FSTL4: variants seen among roughly 807,000 people sequenced by gnomAD.
The protein encoded by FSTL4 is follistatin-related protein 4.
FSTL4 carries 28 observed loss-of-function variants against 78.2 expected under a neutral mutation model. The observed-to-expected ratio is 0.36, with a 90% CI of 0.27 to 0.49. The LOEUF (loss-of-function observed/expected upper bound fraction) is 0.49. FSTL4 is among the 20% of genes least tolerant of loss of function. The pLI is 0.98. For synonymous variants in FSTL4, 422 were observed against 440.5 expected, an observed-to-expected ratio of 0.96 and a Z score of 0.53; for missense variants, 922 against 1,084.9, an observed-to-expected ratio of 0.85 and a Z score of 2.11.
intron 3 of FSTL4, among the ~76,000 whole-genome samples, chr5:133,523,414 C>G (rs529355993): frequency 6.6e-6 from 1 of 152,126 alleles, no homozygotes; most frequent in Non-Finnish European, 1.5e-5. Context: ...TGCGTGGGTG[C>G]AGAGTGGGAG....
chr5:133,326,437 T>C (rs1754214730), intron 4 of FSTL4, among the ~76,000 whole-genome samples: 1 of 152,222 alleles, frequency 6.6e-6, no homozygotes, highest in South Asian at 2.1e-4. Flanking sequence ...CCCTGGGGTC[T>C]GTGACTTCTA....
chr5:133,743,900 C>A, the FSTL4 span, among the ~76,000 whole-genome samples: 1 of 152,202 alleles, frequency 6.6e-6, no homozygotes, highest in Non-Finnish European at 1.5e-5. Flanking sequence ...CCCAGCCAGT[C>A]CAGTCAAAGT....
At chr5:133,493,912 T>C (rs1293396495) in intron 3 of FSTL4, among the ~76,000 whole-genome samples, 3 of 152,228 alleles carry the variant, frequency 2.0e-5, no homozygotes, top group Non-Finnish European at 2.9e-5. Flanking sequence ...CTTTCTTCAA[T>C]ATTTATTTTC....
intron 6 of FSTL4, among the ~76,000 whole-genome samples, chr5:133,285,957 G>A (rs1753120086): frequency 6.6e-6 from 1 of 152,238 alleles, no homozygotes; most frequent in African/African-American, 2.4e-5. Context: ...TGGATCGGTG[G>A]CCCCACCTGC....
At chr5:133,324,266 C>T (rs11739164) in intron 4 of FSTL4, among the ~76,000 whole-genome samples, 8 of 152,142 alleles carry the variant, frequency 5.3e-5, no homozygotes, top group East Asian at 3.9e-4. Flanking sequence ...GGGAGGGAGG[C>T]GTTGTGTAAT....
intron 4 of FSTL4, among the ~76,000 whole-genome samples, chr5:133,399,959 A>T (rs1194655111): frequency 6.6e-6 from 1 of 152,244 alleles, no homozygotes. Context: ...TACCAGGGCC[A>T]CATCAATCAA....
the FSTL4 span, among the ~76,000 whole-genome samples, chr5:133,773,353 T>C: frequency 6.6e-6 from 1 of 152,110 alleles, no homozygotes; most frequent in East Asian, 1.9e-4. Context: ...CTAAGAAGAA[T>C]GCTCTGCTCT....
chr5:133,342,596 T>C (rs1422927026), intron 4 of FSTL4, among the ~76,000 whole-genome samples: 2 of 152,156 alleles, frequency 1.3e-5, no homozygotes, highest in Admixed American at 1.3e-4. Context: ...TGAGTCTTTC[T>C]GGAGGGCCTA....
At chr5:133,740,325 G>A in the FSTL4 span, among the ~76,000 whole-genome samples, 1 of 152,042 alleles carries the variant, frequency 6.6e-6, no homozygotes, top group Non-Finnish European at 1.5e-5. Flanking sequence ...ATGTCTTAAG[G>A]CCTGCCCCTG....
chr5:133,743,461 C>T, the FSTL4 span, among the ~76,000 whole-genome samples: 1 of 152,136 alleles, frequency 6.6e-6, no homozygotes, highest in Admixed American at 6.5e-5. Context: ...CTGTTTGCTG[C>T]CTTTGTGACT....
At chr5:133,567,712 T>C (rs971863678) in intron 2 of FSTL4, among the ~76,000 whole-genome samples, 10 of 152,244 alleles carry the variant, frequency 6.6e-5, no homozygotes, top group African/African-American at 2.4e-4. Context: ...ACACAATTTA[T>C]AGTTTCCAAA....
intron 6 of FSTL4, among the ~76,000 whole-genome samples, chr5:133,250,407 T>C (rs1405521594): frequency 6.6e-6 from 1 of 151,836 alleles, no homozygotes; most frequent in Non-Finnish European, 1.5e-5. Flanking sequence ...CTTTTGCTCT[T>C]CCCCCAAATC....
chr5:133,567,642 T>G (rs994539355), intron 2 of FSTL4, among the ~76,000 whole-genome samples: 8 of 152,238 alleles, frequency 5.3e-5, no homozygotes, highest in Admixed American at 3.9e-4. Context: ...TTTGTGGTGC[T>G]ATGGTGAAGA....
At chr5:133,464,331 A>C (rs1328353579) in intron 3 of FSTL4, among the ~76,000 whole-genome samples, 1 of 152,188 alleles carries the variant, frequency 6.6e-6, no homozygotes, top group African/African-American at 2.4e-5. Flanking sequence ...ATCACTCTTC[A>C]TTGCTGAGTC....
chr5:133,555,083 C>T (rs923268214), intron 3 of FSTL4, among the ~76,000 whole-genome samples: 12 of 152,170 alleles, frequency 7.9e-5, no homozygotes, highest in African/African-American at 2.9e-4. Context: ...AAACTGTCAT[C>T]ATTTTAAACC....
At chr5:133,378,110 G>C (rs1755482500) in intron 4 of FSTL4, among the ~76,000 whole-genome samples, 1 of 152,102 alleles carries the variant, frequency 6.6e-6, no homozygotes, top group African/African-American at 2.4e-5. Context: ...ATAATTCATT[G>C]CTACATACCC....
intron 3 of FSTL4, among the ~76,000 whole-genome samples, chr5:133,504,907 C>T (rs765762600): frequency 1.3e-5 from 2 of 152,184 alleles, no homozygotes; most frequent in African/African-American, 4.8e-5. Flanking sequence ...CCTGCTCTCC[C>T]CCTGTGAATA....
intron 3 of FSTL4, among the ~76,000 whole-genome samples, chr5:133,451,776 G>C (rs1757388375): frequency 6.6e-6 from 1 of 152,288 alleles, no homozygotes; most frequent in South Asian, 2.1e-4. Context: ...AGGCTCCTGA[G>C]GCATTTGAGA....
At chr5:133,769,122 TA>T in the FSTL4 span, among the ~76,000 whole-genome samples, 58 of 152,378 alleles carry the variant, frequency 3.8e-4, 1 homozygote, top group African/African-American at 1.3e-3. Flanking sequence ...CACATGTACC[TA>T]AATCTTCTTG....
Sources: gnomAD v4.1 joint callset for allele counts (sites outside exome capture counted in the v4.1 genomes callset) on GRCh38, gnomAD v4.1.1 for gene constraint, MANE v1.5 for transcripts, NCBI Gene and HGNC (gene_info 2026-07-23, HGNC 2026-07-21) for gene names.